The following AAMDC variants were observed in gnomAD, a reference collection of about 807,000 sequenced individuals.
The protein encoded by AAMDC is adipogenesis associated Mth938 domain containing.
Under a neutral mutation model 15.5 loss-of-function variants are expected in AAMDC, and 16 were observed. The observed-to-expected ratio is 1.03, with a 90% CI of 0.70 to 1.57. AAMDC has a LOEUF of 1.57. Ranked by LOEUF, AAMDC falls within the 40% of genes most tolerant of loss-of-function variation. The pLI, the probability that AAMDC is intolerant of heterozygous loss-of-function variation, is 0.00. For synonymous variants in AAMDC, 51 were observed against 51.6 expected (o/e 0.99, Z 0.05); for missense variants, 141 against 144.9 (o/e 0.97, Z 0.14).
At chr11:77,865,556 A>G (rs954482561) in intron 2 of AAMDC, among the ~76,000 whole-genome samples, 3 of 152,242 alleles carry the variant, frequency 2.0e-5, no homozygotes, top group African/African-American at 7.2e-5. Flanking sequence ...GCACAGTCAC[A>G]TGACCACATT....
chr11:77,895,417 G>C (rs760612578), intron 5 of AAMDC, among the ~76,000 whole-genome samples: 2 of 148,874 alleles, frequency 1.3e-5, no homozygotes, highest in Non-Finnish European at 3.0e-5. Flanking sequence ...ATATTTCCTA[G>C]CACAGGCAGC....
intron 2 of AAMDC, among the ~76,000 whole-genome samples, chr11:77,864,191 T>A (rs1322150846): frequency 6.6e-6 from 1 of 152,148 alleles, no homozygotes; most frequent in Non-Finnish European, 1.5e-5. Flanking sequence ...CCTCCCAAAG[T>A]GTTGGGATTA....
At chr11:77,885,577 G>C (rs1279699556) in intron 5 of AAMDC, among the ~76,000 whole-genome samples, 1 of 151,996 alleles carries the variant, frequency 6.6e-6, no homozygotes, top group Non-Finnish European at 1.5e-5. Flanking sequence ...CCAGCACTTT[G>C]GGAGGCTGAG....
At chr11:77,864,274 T>C (rs913758069) in intron 2 of AAMDC, among the ~76,000 whole-genome samples, 2 of 151,658 alleles carry the variant, frequency 1.3e-5, no homozygotes, top group African/African-American at 4.8e-5. Context: ...CTTGGGCCCA[T>C]CTCTACTAAA....
chr11:77,901,982 T>C (rs529255681), downstream of AAMDC, among the ~76,000 whole-genome samples: 5 of 152,284 alleles, frequency 3.3e-5, no homozygotes, highest in South Asian at 1.0e-3. Flanking sequence ...GACTGTTCCA[T>C]GGGCCTGGTC....
chr11:77,892,163 C>G (rs755496236), intron 5 of AAMDC, among the ~76,000 whole-genome samples: 1 of 152,152 alleles, frequency 6.6e-6, no homozygotes, highest in Non-Finnish European at 1.5e-5. Context: ...TTAACAAATA[C>G]ATTTTTAAGA....
chr11:77,869,825 T>A lies in AAMDC; in HGVS notation c.228+8T>A. On this transcript the variant is annotated splice_region_variant and intron_variant, in intron 3 of 3. Coordinates refer to ENST00000393427, the MANE Select transcript of AAMDC (RefSeq NM_024684.4). ...ATGAGTGAGGCCTTGAAGGTAGGTG[T>A]TGGTATGCACAGCATTCCTGAGGAC... 6.2e-7 allele frequency: 1 copy of A among 1,612,884 alleles called. No individual in the cohort carries two copies. Among genetic ancestry groups the A allele is most frequent in the Non-Finnish European group, 8.5e-7 (1 of 1,179,030 alleles).
In AAMDC at chr11:77,900,383, G is replaced by A. The variant is rs867504199; in HGVS notation, c.329-188G>A. ...CAAAGTGCTGGGATTACAGGTGTGA[G>A]CCACCACACCCGGCCACATATGAAT... On this transcript the variant is annotated intron_variant, in intron 5 of 5. Coordinates refer to the AAMDC transcript ENST00000304716. Among the ~76,000 whole-genome samples, 7 of 152,262 alleles carry A rather than the reference G, an allele frequency of 4.6e-5. No individual in the cohort carries two copies. The South Asian group carries it at 1.2e-3, about 27-fold the overall frequency.
Position 77,879,245 on chromosome 11 carries a change from T to C in AAMDC, c.328+2196T>C, listed in dbSNP as rs998415212. The C allele has an allele frequency of 5.7e-6, 6 of 1,057,492 alleles. No homozygotes were observed. The African/African-American group carries it at 7.9e-5, about 14-fold the overall frequency. The allele number at this position is 1,057,492 out of a possible 1,614,324, so 65.5% of individuals were successfully genotyped here. On this transcript the variant is annotated intron_variant, in intron 5 of 5. Transcript: ENST00000304716. The stretch of plus-strand genomic sequence containing the variant: ...GTAGGGAGAAATTTCTTCATCCGTC[T>C]ACATTCCCTCCCCTTACCCTCACCA...
At chr11:77,889,840 G>A (rs1045100878) in intron 5 of AAMDC, among the ~76,000 whole-genome samples, 6 of 152,318 alleles carry the variant, frequency 3.9e-5, no homozygotes, top group African/African-American at 1.4e-4. Flanking sequence ...GCGTGTGGTA[G>A]AGGTGCTATG....
chr11:77,868,701 T>TTGTTG (rs1565213049), intron 2 of AAMDC: 20 of 183,512 alleles, frequency 1.1e-4, no homozygotes, highest in Admixed American at 8.9e-4. Context: ...TGTTGTTGTT[T>TTGTTG]TTTAACACAA....
intron 5 of AAMDC, among the ~76,000 whole-genome samples, chr11:77,880,709 G>A (rs1381854864): frequency 6.6e-6 from 1 of 152,176 alleles, no homozygotes; most frequent in Non-Finnish European, 1.5e-5. Context: ...TATAATCCCA[G>A]CACTTTGGGA....
At chr11:77,847,493 A>G (rs999176578) in intron 2 of AAMDC, among the ~76,000 whole-genome samples, 1 of 152,230 alleles carries the variant, frequency 6.6e-6, no homozygotes, top group African/African-American at 2.4e-5. Flanking sequence ...ACACCCAGTT[A>G]CCAACCTAGA....
At chr11:77,879,496 G>A (rs1042539459) in intron 5 of AAMDC, among the ~76,000 whole-genome samples, 2 of 152,170 alleles carry the variant, frequency 1.3e-5, no homozygotes, top group South Asian at 2.1e-4. Context: ...TACCCAGTTG[G>A]GCTCTTCCTG....
At chr11:77,859,585 T>A (rs1370182807) in intron 2 of AAMDC, among the ~76,000 whole-genome samples, 2 of 152,222 alleles carry the variant, frequency 1.3e-5, no homozygotes, top group Admixed American at 6.5e-5. Context: ...AGCTGAGCAC[T>A]AGTTCCTGGA....
intron 2 of AAMDC, among the ~76,000 whole-genome samples, chr11:77,848,036 T>C (rs1181557800): frequency 6.6e-6 from 1 of 152,168 alleles, no homozygotes; most frequent in Non-Finnish European, 1.5e-5. Flanking sequence ...CCTACCAACA[T>C]AGGGGAGGGT....
intron 1 of AAMDC, among the ~76,000 whole-genome samples, chr11:77,827,589 T>G (rs578185802): frequency 1.3e-5 from 2 of 152,204 alleles, no homozygotes; most frequent in Non-Finnish European, 2.9e-5. Context: ...TTCTTTCATG[T>G]TAAAAATAAT....
chr11:77,835,042 T>C (rs1360582693), intron 1 of AAMDC, among the ~76,000 whole-genome samples: 2 of 152,220 alleles, frequency 1.3e-5, no homozygotes, highest in Non-Finnish European at 2.9e-5. Context: ...TGGAGACTAG[T>C]ACTTCCTTAA....
chr11:77,852,787 C>T (rs145809082), intron 2 of AAMDC, among the ~76,000 whole-genome samples: 36 of 152,002 alleles, frequency 2.4e-4, no homozygotes, highest in South Asian at 2.1e-3. Context: ...ATTTTCCATA[C>T]GCAAAAGGTA....
Sources: allele counts gnomAD v4.1 joint callset (sites outside exome capture counted in the v4.1 genomes callset), GRCh38; gene constraint gnomAD v4.1.1; transcripts MANE v1.5; gene names NCBI Gene and HGNC (gene_info 2026-07-23, HGNC 2026-07-21).